The following CTIF variants were observed in gnomAD, a reference collection of about 807,000 sequenced individuals.
CTIF encodes the protein CBP80/20-dependent translation initiation factor.
In CTIF, 21 loss-of-function variants were observed where a neutral mutation model predicts 66.0. That is an observed-to-expected ratio of 0.32 (90% CI 0.23 to 0.46). The LOEUF (loss-of-function observed/expected upper bound fraction) is 0.46, where lower values mean the gene tolerates loss of function less well. Among genes scored for constraint, CTIF ranks in the 20% least tolerant of loss-of-function variants. CTIF has a pLI of 1.00. For missense variants in CTIF, 739 were observed against 812.7 expected, an observed-to-expected ratio of 0.91 and a Z score of 1.10; for synonymous variants, 345 against 326.4, an observed-to-expected ratio of 1.06 and a Z score of -0.62.
intron 10 of CTIF, among the ~76,000 whole-genome samples, chr18:48,836,929 C>G (rs2068824404): frequency 2.0e-5 from 3 of 152,352 alleles, no homozygotes; most frequent in Admixed American, 6.5e-5. Flanking sequence ...AAATTGTCAG[C>G]TACTAGTCCT....
chr18:48,697,017 T>C (rs2092018334), intron 6 of CTIF, among the ~76,000 whole-genome samples: 1 of 152,230 alleles, frequency 6.6e-6, no homozygotes, highest in Non-Finnish European at 1.5e-5. Context: ...CTGAGCCTTA[T>C]GGTTAGAGGA....
At position 48,670,713 on chromosome 18, in the gene CTIF, A is replaced by G. The variant is rs2091519360; in HGVS notation, c.476A>G (p.Asn159Ser). Residue 159 changes from asparagine (N) to serine (S), a missense_variant, in exon 6 of 12, where the codon AAT (asparagine) becomes AGT (serine). Coordinates refer to ENST00000256413, the MANE Select transcript of CTIF (RefSeq NM_014772.3). ...GAAGATGGGGATGGCATCAACCTGA[A>G]TGACATCGAGAAGGTCCTTCCAGCC... ...KLEDGDGINLNDIEKVLPAWQ... is the reference protein window; with the variant it reads ...KLEDGDGINLSDIEKVLPAWQ... 1 of 1,614,122 alleles carries G rather than the reference A, an allele frequency of 6.2e-7. No homozygotes were observed. The highest frequency in any genetic ancestry group is 1.1e-5 in the South Asian group (1 of 91,074).
chr18:48,551,954 C>T (rs547216234), intron 1 of CTIF, among the ~76,000 whole-genome samples: 9 of 152,206 alleles, frequency 5.9e-5, no homozygotes, highest in Admixed American at 2.6e-4. Context: ...CCCGCCACCA[C>T]GCCCAGCTAA....
At chr18:48,754,692 A>T (rs1032004920) in intron 7 of CTIF, among the ~76,000 whole-genome samples, 4 of 152,320 alleles carry the variant, frequency 2.6e-5, no homozygotes, top group African/African-American at 7.2e-5. Flanking sequence ...CCACCTACGG[A>T]TGGCTTTCCA....
chr18:48,766,203 G>A (rs927436256), intron 9 of CTIF, among the ~76,000 whole-genome samples: 2 of 149,232 alleles, frequency 1.3e-5, no homozygotes, highest in Non-Finnish European at 3.0e-5. Flanking sequence ...TATGAATCAC[G>A]TGGGATTTTG....
chr18:48,791,201 C>T (rs977446618), intron 9 of CTIF, among the ~76,000 whole-genome samples: 1 of 152,166 alleles, frequency 6.6e-6, no homozygotes, highest in Admixed American at 6.5e-5. Flanking sequence ...CTGGTCAGAC[C>T]ATGAGAGCCA....
At chr18:48,609,683 C>G (rs1440184203) in intron 1 of CTIF, among the ~76,000 whole-genome samples, 1 of 152,186 alleles carries the variant, frequency 6.6e-6, no homozygotes, top group Non-Finnish European at 1.5e-5. Context: ...AGTGAGGAAG[C>G]CACCTGACTC....
intron 10 of CTIF, among the ~76,000 whole-genome samples, chr18:48,846,945 A>G (rs1026140301): frequency 1.3e-5 from 2 of 152,134 alleles, no homozygotes; most frequent in African/African-American, 4.8e-5. Flanking sequence ...CAATACAGAC[A>G]AAGAATAGGT....
intron 6 of CTIF, among the ~76,000 whole-genome samples, chr18:48,705,264 C>T (rs2092137023): frequency 6.6e-6 from 1 of 152,162 alleles, no homozygotes; most frequent in South Asian, 2.1e-4. Flanking sequence ...CACTTCTTCC[C>T]AGCTTCCCGT....
At chr18:48,790,598 G>T (rs896510872) in intron 9 of CTIF, among the ~76,000 whole-genome samples, 1 of 152,240 alleles carries the variant, frequency 6.6e-6, no homozygotes, top group Non-Finnish European at 1.5e-5. Flanking sequence ...AAAGCACTGG[G>T]AGCTGGACGG....
At chr18:48,727,798 C>G (rs2092398662) in intron 7 of CTIF, among the ~76,000 whole-genome samples, 1 of 152,230 alleles carries the variant, frequency 6.6e-6, no homozygotes, top group Admixed American at 6.5e-5. Flanking sequence ...AAGATCTTGA[C>G]AAAGACTTCA....
At chr18:48,653,607 C>T (rs1453414834) in intron 3 of CTIF, among the ~76,000 whole-genome samples, 5 of 152,140 alleles carry the variant, frequency 3.3e-5, no homozygotes, top group Non-Finnish European at 7.4e-5. Flanking sequence ...ACTTTCTTCA[C>T]AGAATTGGAA....
chr18:48,687,582 A>G (rs986507582), intron 6 of CTIF, among the ~76,000 whole-genome samples: 1 of 152,140 alleles, frequency 6.6e-6, no homozygotes, highest in Non-Finnish European at 1.5e-5. Context: ...TCCTGGTGGG[A>G]AAGACTCTTC....
chr18:48,592,321 T>C (rs2089902495), intron 1 of CTIF, among the ~76,000 whole-genome samples: 2 of 151,800 alleles, frequency 1.3e-5, no homozygotes, highest in South Asian at 4.2e-4. Context: ...CTGACCAACA[T>C]GGAGAAACCT....
chr18:48,593,235 G>A (rs973240536), intron 1 of CTIF, among the ~76,000 whole-genome samples: 3 of 152,158 alleles, frequency 2.0e-5, no homozygotes, highest in Admixed American at 2.0e-4. Context: ...GAGCAGGGGC[G>A]TCAACACCTC....
At chr18:48,699,282 C>T (rs1045946991) in intron 6 of CTIF, among the ~76,000 whole-genome samples, 10 of 152,146 alleles carry the variant, frequency 6.6e-5, no homozygotes, top group East Asian at 3.9e-4. Context: ...CTCTGGGAGA[C>T]AGGCCCCTCC....
In CTIF at chr18:48,585,986, T is replaced by C. The variant is rs73956932; in HGVS notation, c.-28-33552T>C. ...TTCCCTTTGGGTGAACTCTTGCTTC[T>C]GTGTGTTGTGATGGTGGCGATGCTG... is the stretch of plus-strand genomic sequence containing the variant. On this transcript the variant is annotated intron_variant, in intron 1 of 11. Coordinates refer to ENST00000256413, the MANE Select transcript of CTIF (RefSeq NM_014772.3). Among the ~76,000 whole-genome samples, 8 of 152,222 alleles carry C rather than the reference T, an allele frequency of 5.3e-5. No homozygotes were observed. In the East Asian group the frequency reaches 1.3e-3, roughly 26 times the overall value.
Position 48,640,803 on chromosome 18 carries a change from G to A in CTIF, c.252+4118G>A, listed in dbSNP as rs572533766. Among the ~76,000 whole-genome samples, 3 of 152,254 alleles carry A rather than the reference G, an allele frequency of 2.0e-5. No homozygotes were observed. The South Asian group carries it at 6.2e-4, about 32-fold the overall frequency. ...CACTGGGATGATTGATTCATCCCCA[G>A]CAGGCTTCCAGCCTCATCCTGTTTG... On this transcript the variant is annotated intron_variant, in intron 3 of 11. Coordinates refer to ENST00000256413, the MANE Select transcript of CTIF (RefSeq NM_014772.3).
intron 7 of CTIF, among the ~76,000 whole-genome samples, chr18:48,741,773 A>G (rs550052443): frequency 6.6e-6 from 1 of 152,184 alleles, no homozygotes; most frequent in South Asian, 2.1e-4. Context: ...ACCCAAAAGA[A>G]GTGGACTTAT....
Sources: allele counts gnomAD v4.1 joint callset (sites outside exome capture counted in the v4.1 genomes callset), GRCh38; gene constraint gnomAD v4.1.1; transcripts MANE v1.5; gene names NCBI Gene and HGNC (gene_info 2026-07-23, HGNC 2026-07-21).